The following GFM1 variants were observed in gnomAD, a reference collection of about 807,000 sequenced individuals.
The protein encoded by GFM1 is elongation factor G, mitochondrial.
GFM1 carries 62 observed loss-of-function variants against 96.2 expected under a neutral mutation model. The ratio of observed to expected loss-of-function variants is 0.64; its 90% CI spans 0.53 to 0.80. The LOEUF is 0.80. GFM1 is among the 30% of genes least tolerant of loss of function. GFM1 has a pLI of 0.00. For synonymous variants in GFM1, 282 were observed against 312.9 expected, an observed-to-expected ratio of 0.90 and a Z score of 1.04; for missense variants, 852 against 916.6, an observed-to-expected ratio of 0.93 and a Z score of 0.91.
At chr3:158,679,966 A>G (rs986784985) in intron 13 of GFM1, among the ~76,000 whole-genome samples, 5 of 152,194 alleles carry the variant, frequency 3.3e-5, no homozygotes, top group Admixed American at 2.0e-4. Flanking sequence ...AAGTACACAT[A>G]CCAATTTAGG....
intron 8 of GFM1, among the ~76,000 whole-genome samples, chr3:158,657,887 G>A (rs1350545110): frequency 6.6e-6 from 1 of 151,848 alleles, no homozygotes; most frequent in Non-Finnish European, 1.5e-5. Context: ...AATTTGTGCT[G>A]GTTCTGAATT....
At chr3:158,682,647 A>G (rs1367161791) in intron 14 of GFM1, among the ~76,000 whole-genome samples, 2 of 152,248 alleles carry the variant, frequency 1.3e-5, no homozygotes, top group Non-Finnish European at 2.9e-5. Context: ...TGAGGATCAG[A>G]TAAGACTATG....
chr3:158,672,576 G>T, intron 13 of GFM1: 1 of 1,503,124 alleles, frequency 6.7e-7, no homozygotes. Flanking sequence ...TCCGGTTGCC[G>T]AGGCGGAAAA....
chr3:158,659,442 GT>G (rs1272203476), intron 9 of GFM1, among the ~76,000 whole-genome samples: 1 of 152,184 alleles, frequency 6.6e-6, no homozygotes, highest in Middle Eastern at 3.2e-3. Flanking sequence ...AATTTACACA[GT>G]TTTCCACATT....
At position 158,681,978 on chromosome 3, in the gene GFM1, T is replaced by TA. The variant is rs397825127; in HGVS notation, c.1602-17_1602-16insA. The TA allele has an allele frequency of 6.2e-7, 1 of 1,609,022 alleles. No homozygotes were observed. The highest frequency in any genetic ancestry group is 8.5e-7 in the Non-Finnish European group (1 of 1,176,582). On this transcript the variant is annotated splice_polypyrimidine_tract_variant and intron_variant, in intron 13 of 17. Transcript: ENST00000486715. ...ATTACATAATGCTCCATTTTTTTTTTCCTAAATCACTTTCAGGTTTGACTT... is the reference window on the plus strand; with the variant it reads ...ATTACATAATGCTCCATTTTTTTTTTACCTAAATCACTTTCAGGTTTGACTT...
Position 158,690,101 on chromosome 3 carries a change from T to A in GFM1, c.1910-62T>A, listed in dbSNP as rs1726180915. On this transcript the variant is annotated intron_variant, in intron 15 of 17. Coordinates refer to ENST00000486715, the MANE Select transcript of GFM1 (RefSeq NM_024996.7). ...GCATCATTTTTCTCCCTTTTTTATATCTGGACAGAAGAGTTGTAGTTTGTA... is the reference window on the plus strand; with the variant it reads ...GCATCATTTTTCTCCCTTTTTTATAACTGGACAGAAGAGTTGTAGTTTGTA... The A allele has an allele frequency of 3.5e-6, 5 of 1,410,222 alleles. No homozygotes were observed. The South Asian group carries it at 5.8e-5, about 16-fold the overall frequency. The allele number at this position is 1,410,222 out of a possible 1,614,324, so 87.4% of individuals were successfully genotyped here.
chr3:158,659,880 C>A (rs1257135636), intron 9 of GFM1, among the ~76,000 whole-genome samples: 1 of 152,152 alleles, frequency 6.6e-6, no homozygotes, highest in Non-Finnish European at 1.5e-5. Flanking sequence ...CAGCAGGGGG[C>A]AGGCTAAGTG....
At chr3:158,649,973 G>C in intron 5 of GFM1, 1 of 1,517,330 alleles carries the variant, frequency 6.6e-7, no homozygotes, top group South Asian at 1.2e-5. Flanking sequence ...GTTCTGAGGA[G>C]TGACCTCTGT....
rs1386118482 is a variant in GFM1 at position 158,693,988 on chromosome 3, T to TA, written c.*2522dup. 6.6e-6 allele frequency among the ~76,000 whole-genome samples: 1 copy of TA among 152,114 alleles called. No individual in the cohort carries two copies. Among genetic ancestry groups the TA allele is most frequent in the Non-Finnish European group, 1.5e-5 (1 of 68,022 alleles). On this transcript the variant is annotated 3_prime_UTR_variant, in exon 18 of 18. Coordinates refer to ENST00000486715, the MANE Select transcript of GFM1 (RefSeq NM_024996.7). ...CATATTGTATTCTTTTGTGTGATAT[T>TA]AGAGTTTGGTTTTTTTGTTTAACAA...
intron 13 of GFM1, chr3:158,672,321 T>C (rs2108069735): frequency 1.2e-6 from 2 of 1,611,846 alleles, no homozygotes; most frequent in African/African-American, 1.3e-5. Context: ...CTGAAGCCTC[T>C]GCTGTCCACC....
intron 13 of GFM1, chr3:158,669,637 T>C (rs765727382): frequency 1.9e-6 from 3 of 1,595,612 alleles, no homozygotes; most frequent in Admixed American, 1.7e-5. Context: ...AAAATATCCT[T>C]ATATACAGAA....
intron 13 of GFM1, among the ~76,000 whole-genome samples, chr3:158,674,307 C>G (rs944045120): frequency 6.6e-6 from 1 of 152,074 alleles, no homozygotes; most frequent in Non-Finnish European, 1.5e-5. Flanking sequence ...AATCCTCCCT[C>G]CTCTGCCTCC....
Position 158,657,068 on chromosome 3 carries a change from A to G in GFM1, c.1084-1854A>G, listed in dbSNP as rs370152412. Reference sequence around the variant, plus strand: ...TTGAAATGCTGTTGCTTCTGTACATAATATTTTAAGTGGGGAAAAATGGTA... The same window carrying G: ...TTGAAATGCTGTTGCTTCTGTACATGATATTTTAAGTGGGGAAAAATGGTA... On this transcript the variant is annotated intron_variant, in intron 8 of 17. Transcript: ENST00000486715. 5.3e-5 allele frequency: 8 copies of G among 152,260 alleles called. 1 individual carries two copies. The highest frequency in any genetic ancestry group is 3.9e-4 in the East Asian group (2 of 5,186). The allele number at this position is 152,260 out of a possible 1,614,324, so 9.4% of individuals were successfully genotyped here.
chr3:158,655,827 G>T, intron 8 of GFM1: 1 of 453,124 alleles, frequency 2.2e-6, no homozygotes, highest in Non-Finnish European at 4.4e-6. Context: ...TCCTTTTTCC[G>T]TCTCACTAGA....
chr3:158,685,564 G>C (rs1176441073), intron 15 of GFM1, among the ~76,000 whole-genome samples: 1 of 152,132 alleles, frequency 6.6e-6, no homozygotes, highest in Non-Finnish European at 1.5e-5. Context: ...GAACTTTGTG[G>C]TGTTTTTGGT....
At position 158,691,405 on chromosome 3, in the gene GFM1, A is replaced by C; in HGVS notation, c.2194A>C (p.Ile732Leu). The stretch of plus-strand genomic sequence containing the variant: ...TTTACCATCCACACAAGAAGACGTC[A>C]TTAATAAGTATTTGGAAGCTACAGG... The part of the protein sequence containing the change: ...PCLPSTQEDV[I>L]NKYLEATGQL... Residue 732 changes from isoleucine (I) to leucine (L), a missense_variant, in exon 18 of 18, where the codon ATT becomes CTT. Transcript: ENST00000486715. 6.2e-7 allele frequency: 1 copy of C among 1,613,970 alleles called. No homozygotes were observed. Among genetic ancestry groups the C allele is most frequent in the Non-Finnish European group, 8.5e-7 (1 of 1,179,872 alleles).
intron 10 of GFM1, among the ~76,000 whole-genome samples, 195 bp from the exon 11 acceptor site, chr3:158,662,429 CTTTA>C (rs1227374969): frequency 2.0e-5 from 3 of 152,008 alleles, no homozygotes; most frequent in African/African-American, 7.2e-5. Context: ...AAGTAGATAG[CTTTA>C]TTTATTTATT....
chr3:158,672,279 T>A, intron 13 of GFM1: 1 of 1,587,802 alleles, frequency 6.3e-7, no homozygotes, highest in South Asian at 1.1e-5. Context: ...ACCCAAAGGC[T>A]GAGACCGCGG....
intron 5 of GFM1, among the ~76,000 whole-genome samples, chr3:158,651,398 C>T (rs902319834): frequency 6.6e-6 from 1 of 152,182 alleles, no homozygotes; most frequent in Non-Finnish European, 1.5e-5. Flanking sequence ...AATCTTACCT[C>T]TTCTGTTTAC....
Sources: gnomAD v4.1 joint callset for allele counts (sites outside exome capture counted in the v4.1 genomes callset) on GRCh38, gnomAD v4.1.1 for gene constraint, MANE v1.5 for transcripts, NCBI Gene and HGNC (gene_info 2026-07-23, HGNC 2026-07-21) for gene names.